Variants in DPP6 observed in about 807,000 individuals in gnomAD.
DPP6 encodes A-type potassium channel modulatory protein DPP6.
Under a neutral mutation model 122.6 loss-of-function variants are expected in DPP6, and 69 were observed. The observed-to-expected ratio is 0.56, with a 90% CI of 0.46 to 0.69. The LOEUF (loss-of-function observed/expected upper bound fraction) is 0.69. DPP6 is among the 30% of genes least tolerant of loss of function. DPP6 has a pLI of 0.00. For missense variants in DPP6, 928 were observed against 1,116.9 expected (o/e 0.83, Z 2.41); for synonymous variants, 418 against 433.1 (o/e 0.97, Z 0.43).
intron 1 of DPP6, among the ~76,000 whole-genome samples, chr7:154,106,711 C>G (rs1042393563): frequency 1.3e-5 from 2 of 152,082 alleles, no homozygotes; most frequent in African/African-American, 4.8e-5. Flanking sequence ...ATGGAGCTCA[C>G]TGACAACCCA....
chr7:153,757,307 A>C, the DPP6 span, among the ~76,000 whole-genome samples: 1 of 152,234 alleles, frequency 6.6e-6, no homozygotes, highest in Non-Finnish European at 1.5e-5. Flanking sequence ...GCATTATGAG[A>C]CATTTTAAAA....
intron 16 of DPP6, among the ~76,000 whole-genome samples, chr7:154,832,891 G>A (rs554995274): frequency 2.0e-5 from 3 of 152,228 alleles, no homozygotes; most frequent in Admixed American, 6.5e-5. Flanking sequence ...CATCGCCACT[G>A]CCACAACTGA....
intron 8 of DPP6, among the ~76,000 whole-genome samples, chr7:154,738,427 G>T (rs1448059157): frequency 6.6e-6 from 1 of 152,150 alleles, no homozygotes; most frequent in Non-Finnish European, 1.5e-5. Context: ...AATTAATGTT[G>T]TATCTGATTA....
intron 1 of DPP6, among the ~76,000 whole-genome samples, chr7:154,295,285 T>G (rs1805464762): frequency 6.6e-6 from 1 of 152,140 alleles, no homozygotes; most frequent in South Asian, 2.1e-4. Context: ...AACACCGAAT[T>G]TAGGGAGTGT....
chr7:154,556,038 C>T (rs1428057167), intron 4 of DPP6, among the ~76,000 whole-genome samples: 2 of 152,248 alleles, frequency 1.3e-5, no homozygotes, highest in South Asian at 2.1e-4. Context: ...AGAATAAACA[C>T]CTTTGTGTAG....
intron 1 of DPP6, among the ~76,000 whole-genome samples, chr7:154,308,037 C>T (rs550264514): frequency 6.6e-6 from 1 of 152,170 alleles, no homozygotes; most frequent in South Asian, 2.1e-4. Context: ...TCTTGTGAGG[C>T]ATTAACCAGA....
chr7:154,163,777 G>C (rs1296724098), intron 1 of DPP6, among the ~76,000 whole-genome samples: 1 of 152,208 alleles, frequency 6.6e-6, no homozygotes. Flanking sequence ...GATCTCTGGG[G>C]CTGGGTGGAG....
intron 6 of DPP6, among the ~76,000 whole-genome samples, chr7:154,640,434 T>C (rs111263504): frequency 0.018 from 2,618 of 149,378 alleles, 46 homozygotes; most frequent in African/African-American, 0.049. Context: ...CCAAAGTCAG[T>C]GTCCCACCCT....
At chr7:154,285,920 A>G (rs1008599546) in intron 1 of DPP6, among the ~76,000 whole-genome samples, 1 of 152,230 alleles carries the variant, frequency 6.6e-6, no homozygotes, top group Non-Finnish European at 1.5e-5. Context: ...GACTGGTGAT[A>G]AGAAAGATGA....
At chr7:154,676,275 T>TGGCCATGGGG (rs1838900585) in intron 7 of DPP6, among the ~76,000 whole-genome samples, 6 of 148,152 alleles carry the variant, frequency 4.0e-5, no homozygotes, top group African/African-American at 1.0e-4. Flanking sequence ...GGGCGTGCTG[T>TGGCCATGGGG]CTGGAGGTCC....
intron 5 of DPP6, among the ~76,000 whole-genome samples, chr7:154,627,352 T>C (rs1835151155): frequency 6.6e-6 from 1 of 151,720 alleles, no homozygotes; most frequent in Admixed American, 6.6e-5. Flanking sequence ...CCTGCCACCA[T>C]GTCCAGCTAA....
At chr7:153,828,573 T>C in the DPP6 span, among the ~76,000 whole-genome samples, 2 of 152,180 alleles carry the variant, frequency 1.3e-5, no homozygotes, top group African/African-American at 4.8e-5. Flanking sequence ...GATAAAACTT[T>C]TAATTAGGAA....
the DPP6 span, among the ~76,000 whole-genome samples, chr7:153,846,250 G>T: frequency 6.6e-6 from 1 of 152,030 alleles, no homozygotes; most frequent in Non-Finnish European, 1.5e-5. Flanking sequence ...TGTACTACTG[G>T]CTTTTCAAAT....
At chr7:154,120,687 G>T (rs1179870241) in intron 1 of DPP6, among the ~76,000 whole-genome samples, 1 of 152,138 alleles carries the variant, frequency 6.6e-6, no homozygotes, top group Admixed American at 6.5e-5. Flanking sequence ...TTAGAAAATA[G>T]CTTTCTAAAC....
intron 16 of DPP6, among the ~76,000 whole-genome samples, chr7:154,826,161 G>A (rs1327988806): frequency 6.6e-6 from 1 of 152,214 alleles, no homozygotes; most frequent in East Asian, 1.9e-4. Context: ...CACAGTGTAT[G>A]AGTTTAATAA....
chr7:154,363,887 C>T (rs1020325711), intron 1 of DPP6, among the ~76,000 whole-genome samples: 1 of 152,116 alleles, frequency 6.6e-6, no homozygotes. Flanking sequence ...TTATCTGCTA[C>T]AAGTTAATAT....
chr7:154,326,209 C>T (rs924776649), intron 1 of DPP6, among the ~76,000 whole-genome samples: 38 of 152,178 alleles, frequency 2.5e-4, no homozygotes, highest in African/African-American at 9.2e-4. Flanking sequence ...ATGACCAGCA[C>T]AGCAAAATAT....
At chr7:154,515,759 C>T (rs767485867) in intron 3 of DPP6, among the ~76,000 whole-genome samples, 6 of 152,174 alleles carry the variant, frequency 3.9e-5, no homozygotes, top group Non-Finnish European at 8.8e-5. Context: ...CAGACGTGAG[C>T]TATTGCGCCT....
upstream of DPP6, among the ~76,000 whole-genome samples, chr7:154,052,045 A>C (rs1800368998): frequency 6.6e-6 from 1 of 150,718 alleles, no homozygotes. The surrounding 1 kb of genome is among the most constrained non-coding windows in gnomAD (Gnocchi z 4.8). Flanking sequence ...CTGCACCTTC[A>C]GTCGCCCCCT....
Sources: allele counts gnomAD v4.1 joint callset (sites outside exome capture counted in the v4.1 genomes callset), GRCh38; gene constraint gnomAD v4.1.1; non-coding constraint Gnocchi (gnomAD v3.1); transcripts MANE v1.5; gene names NCBI Gene and HGNC (gene_info 2026-07-23, HGNC 2026-07-21).